UBE2R2: variants seen among roughly 807,000 people sequenced by gnomAD.
UBE2R2 encodes the protein ubiquitin-conjugating enzyme E2 R2.
UBE2R2 carries 1 observed loss-of-function variant against 27.8 expected under a neutral mutation model. The ratio of observed to expected loss-of-function variants is 0.04; its 90% CI spans 0.01 to 0.17. The LOEUF is 0.17. Ranked by LOEUF, UBE2R2 falls within the 10% of genes least tolerant of loss-of-function variation. The probability of loss-of-function intolerance (pLI) is 1.00; values close to 1 mark genes in which losing one functional copy is unlikely to be tolerated. For missense variants in UBE2R2, 100 were observed against 291.0 expected, an observed-to-expected ratio of 0.34 and a Z score of 4.78; for synonymous variants, 106 against 113.3, an observed-to-expected ratio of 0.94 and a Z score of 0.41.
At chr9:33,903,923 A>G (rs1031491846) in intron 3 of UBE2R2, among the ~76,000 whole-genome samples, 1 of 152,196 alleles carries the variant, frequency 6.6e-6, no homozygotes, top group African/African-American at 2.4e-5. Context: ...TGGGTTGGAA[A>G]TTGTTTACCT....
chr9:33,856,708 CTT>C (rs375057192), intron 1 of UBE2R2, among the ~76,000 whole-genome samples: 4 of 144,528 alleles, frequency 2.8e-5, no homozygotes, highest in African/African-American at 1.0e-4. Flanking sequence ...CTGAAGTTTT[CTT>C]TTTTTTTTTC....
intron 1 of UBE2R2, among the ~76,000 whole-genome samples, chr9:33,866,902 CTG>C (rs1473212557): frequency 6.6e-6 from 1 of 152,148 alleles, no homozygotes; most frequent in Non-Finnish European, 1.5e-5. Context: ...TTCTTCCACT[CTG>C]TGGCTTGCTT....
chr9:33,840,010 T>A (rs1335467903), intron 1 of UBE2R2, among the ~76,000 whole-genome samples: 3 of 152,028 alleles, frequency 2.0e-5, no homozygotes, highest in East Asian at 1.9e-4. Flanking sequence ...AAAAAAAAAA[T>A]TCTGTTGTTT....
intron 1 of UBE2R2, among the ~76,000 whole-genome samples, chr9:33,826,835 C>T (rs1820325538): frequency 6.6e-6 from 1 of 152,180 alleles, no homozygotes; most frequent in Non-Finnish European, 1.5e-5. Flanking sequence ...TTTTACCCAG[C>T]ACTTTGGGAG....
chr9:33,876,566 A>G (rs1280962014), intron 1 of UBE2R2, among the ~76,000 whole-genome samples: 2 of 152,094 alleles, frequency 1.3e-5, no homozygotes, highest in Non-Finnish European at 2.9e-5. Flanking sequence ...CACACCAACC[A>G]ATGTTACCTC....
At chr9:33,911,480 A>T (rs1259121255) in intron 3 of UBE2R2, among the ~76,000 whole-genome samples, 3 of 150,756 alleles carry the variant, frequency 2.0e-5, no homozygotes, top group Non-Finnish European at 4.4e-5. Context: ...TCCCACATCA[A>T]GATTGCCTTG....
intron 1 of UBE2R2, among the ~76,000 whole-genome samples, chr9:33,844,243 C>G (rs943536780): frequency 6.6e-6 from 1 of 152,178 alleles, no homozygotes; most frequent in African/African-American, 2.4e-5. Flanking sequence ...TCACTCTTGT[C>G]GCCCAGGCTG....
At chr9:33,836,002 G>A (rs1473149823) in intron 1 of UBE2R2, among the ~76,000 whole-genome samples, 3 of 152,140 alleles carry the variant, frequency 2.0e-5, no homozygotes, top group Non-Finnish European at 4.4e-5. Flanking sequence ...TTAAAAGTTT[G>A]TATAGTATAA....
intron 1 of UBE2R2, among the ~76,000 whole-genome samples, chr9:33,873,174 T>TA (rs540364601): frequency 0.17 from 18,540 of 108,912 alleles, 1,810 homozygotes; most frequent in East Asian, 0.4. Flanking sequence ...GACTCCGTCT[T>TA]AAAAAAAAAA....
intron 1 of UBE2R2, among the ~76,000 whole-genome samples, chr9:33,837,905 C>T (rs1245656509): frequency 1.3e-5 from 2 of 152,044 alleles, no homozygotes; most frequent in Non-Finnish European, 2.9e-5. Context: ...CCTATTAACT[C>T]CCTGAAGACA....
intron 1 of UBE2R2, among the ~76,000 whole-genome samples, chr9:33,876,857 A>T (rs1821614644): frequency 6.6e-6 from 1 of 152,174 alleles, no homozygotes; most frequent in Non-Finnish European, 1.5e-5. Flanking sequence ...CGGAGCTTGC[A>T]GTGAGCCGAG....
At chr9:33,868,879 A>G (rs1313270832) in intron 1 of UBE2R2, among the ~76,000 whole-genome samples, 6 of 152,214 alleles carry the variant, frequency 3.9e-5, no homozygotes, top group South Asian at 2.1e-4. Flanking sequence ...ACCAAGTACA[A>G]TTGTATTTAG....
chr9:33,907,888 GC>G (rs1822394718), intron 3 of UBE2R2, among the ~76,000 whole-genome samples: 1 of 152,064 alleles, frequency 6.6e-6, no homozygotes, highest in Non-Finnish European at 1.5e-5. Flanking sequence ...GAGTGCAATG[GC>G]ACGATCTCGG....
intron 1 of UBE2R2, among the ~76,000 whole-genome samples, chr9:33,837,418 T>TGC (rs1411833663): frequency 1.5e-5 from 2 of 131,980 alleles, no homozygotes; most frequent in Non-Finnish European, 3.3e-5. Flanking sequence ...CAGCTGCTGC[T>TGC]TCTTTTTTTT....
Position 33,919,444 on chromosome 9 carries a change from G to GC in UBE2R2, c.*2208dup, listed in dbSNP as rs1822742911. 6.6e-6 allele frequency: 1 copy of GC among 152,238 alleles called. No homozygotes were observed. The highest frequency in any genetic ancestry group is 2.1e-4 in the South Asian group (1 of 4,834). The allele number at this position is 152,238 out of a possible 1,614,324, so 9.4% of individuals were successfully genotyped here. On this transcript the variant is annotated 3_prime_UTR_variant, in exon 5 of 5. Transcript: ENST00000263228. ...ACCCTGGCATTGCGGGAGGTGCTCT[G>GC]CTGCACAGCTGTTCCATCAGGCCCT...
chr9:33,916,267 G>A (rs1479141895), intron 4 of UBE2R2, among the ~76,000 whole-genome samples: 1 of 152,128 alleles, frequency 6.6e-6, no homozygotes, highest in African/African-American at 2.4e-5. Flanking sequence ...CTTGAACCTG[G>A]GAGATGGAGG....
intron 1 of UBE2R2, among the ~76,000 whole-genome samples, chr9:33,823,365 T>A (rs1820200586): frequency 6.6e-6 from 1 of 151,524 alleles, no homozygotes; most frequent in Admixed American, 6.6e-5. Context: ...ATTGGTAAAA[T>A]ATAGTTGAAA....
intron 1 of UBE2R2, among the ~76,000 whole-genome samples, chr9:33,874,109 G>A (rs574437420): frequency 4.8e-4 from 73 of 151,614 alleles, no homozygotes; most frequent in African/African-American, 1.7e-3. Context: ...TGCCATGCCC[G>A]GCTAATTTTT....
intron 1 of UBE2R2, among the ~76,000 whole-genome samples, chr9:33,826,840 T>C (rs934556184): frequency 6.6e-6 from 1 of 152,224 alleles, no homozygotes; most frequent in South Asian, 2.1e-4. Flanking sequence ...CCCAGCACTT[T>C]GGGAGGCAGA....
Sources: gnomAD v4.1 joint callset for allele counts (sites outside exome capture counted in the v4.1 genomes callset) on GRCh38, gnomAD v4.1.1 for gene constraint, MANE v1.5 for transcripts, NCBI Gene and HGNC (gene_info 2026-07-23, HGNC 2026-07-21) for gene names.